MYCBP2: variants seen among roughly 807,000 people sequenced by gnomAD.
The protein encoded by MYCBP2 is E3 ubiquitin-protein ligase MYCBP2.
A neutral mutation model predicts 525.3 loss-of-function variants in MYCBP2; 120 were observed. The observed-to-expected ratio is 0.23, with a 90% CI of 0.20 to 0.27. The LOEUF (loss-of-function observed/expected upper bound fraction) is 0.27. Among genes scored for constraint, MYCBP2 ranks in the 10% least tolerant of loss-of-function variants. The pLI, the probability that MYCBP2 is intolerant of heterozygous loss-of-function variation, is 1.00. For missense variants in MYCBP2, 4,149 were observed against 5,657.1 expected, an observed-to-expected ratio of 0.73 and a Z score of 8.55; for synonymous variants, 1,894 against 1,955.8, an observed-to-expected ratio of 0.97 and a Z score of 0.83.
intron 50 of MYCBP2, 102 bp from the exon 51 acceptor site, chr13:77,140,265 CT>C: frequency 1.5e-6 from 1 of 652,098 alleles, no homozygotes; most frequent in East Asian, 2.8e-5. Flanking sequence ...TATCGTAATT[CT>C]TAATAAGGTT....
chr13:77,306,881 G>A (rs541219120), intron 1 of MYCBP2, among the ~76,000 whole-genome samples: 41 of 152,048 alleles, frequency 2.7e-4, no homozygotes, highest in African/African-American at 9.4e-4. Context: ...TGGGATTTTC[G>A]GAAAGATTGC....
In MYCBP2 at chr13:77,287,192, C is replaced by CTT. The variant is rs71102733; in HGVS notation, c.594+967_594+968dup. 1.8e-3 allele frequency among the ~76,000 whole-genome samples: 226 copies of CTT among 125,086 alleles called. 5 individuals are homozygous for CTT. The South Asian group carries it at 0.044, about 24-fold the overall frequency. 82.1% of individuals were successfully genotyped at this position (125,086 alleles called of 152,430 possible). The stretch of plus-strand genomic sequence containing the variant: ...GTGAGCCATTACGCCCAGCCAGTTT[C>CTT]TTTTTTTTTTTTTGAGACAGTCTCA... On this transcript the variant is annotated intron_variant, in intron 3 of 82. Transcript: ENST00000544440.
At chr13:77,323,843 T>C (rs1343423812) in intron 1 of MYCBP2, among the ~76,000 whole-genome samples, 1 of 152,182 alleles carries the variant, frequency 6.6e-6, no homozygotes, top group Non-Finnish European at 1.5e-5. Context: ...AGTACTCACC[T>C]CCACCCCTTC....
chr13:77,176,284 TA>T (rs1158268493), intron 36 of MYCBP2, among the ~76,000 whole-genome samples: 1 of 152,134 alleles, frequency 6.6e-6, no homozygotes, highest in Non-Finnish European at 1.5e-5. Flanking sequence ...AACTTCCTAC[TA>T]CTCCTGACTT....
intron 13 of MYCBP2, 21 bp from the exon 14 acceptor site, chr13:77,257,850 T>C: frequency 6.3e-7 from 1 of 1,587,986 alleles, no homozygotes; most frequent in Non-Finnish European, 8.5e-7. Context: ...GAAACAAATT[T>C]AGTAAAAACA....
intron 55 of MYCBP2, among the ~76,000 whole-genome samples, chr13:77,112,373 T>A (rs2328999): frequency 6.8e-6 from 1 of 146,494 alleles, no homozygotes; most frequent in Non-Finnish European, 1.5e-5. Context: ...ATTTATATAA[T>A]ATATAATATA....
chr13:77,119,184 T>C (rs1199525883), intron 55 of MYCBP2, among the ~76,000 whole-genome samples: 1 of 152,196 alleles, frequency 6.6e-6, no homozygotes, highest in East Asian at 1.9e-4. Flanking sequence ...ACATTTTTCC[T>C]TGTACCAAAA....
At chr13:77,210,181 A>G (rs952383481) in intron 23 of MYCBP2, among the ~76,000 whole-genome samples, 7 of 151,770 alleles carry the variant, frequency 4.6e-5, no homozygotes, top group Non-Finnish European at 8.8e-5. Context: ...TTGTATATAA[A>G]GCACCACAAT....
intron 49 of MYCBP2, among the ~76,000 whole-genome samples, chr13:77,141,788 AGTATACAT>A (rs2054678891): frequency 6.7e-6 from 1 of 149,720 alleles, no homozygotes; most frequent in African/African-American, 2.4e-5. Context: ...AAAAAAAAAA[AGTATACAT>A]AGAGAAAATT....
At chr13:77,246,058 G>T (rs1410889689) in intron 15 of MYCBP2, among the ~76,000 whole-genome samples, 4 of 151,948 alleles carry the variant, frequency 2.6e-5, no homozygotes, top group African/African-American at 9.7e-5. Context: ...TTGGGGTCAG[G>T]GAAAGTAACT....
At chr13:77,258,487 AC>A (rs1266598628) in intron 13 of MYCBP2, among the ~76,000 whole-genome samples, 1 of 152,224 alleles carries the variant, frequency 6.6e-6, no homozygotes, top group Non-Finnish European at 1.5e-5. Context: ...TTTCCAATAT[AC>A]ATTAAAATAA....
chr13:77,273,462 T>C lies in MYCBP2; in HGVS notation c.945+10A>G, dbSNP rs142294005. 2.4e-4 allele frequency: 381 copies of C among 1,560,778 alleles called. 5 individuals are homozygous for C. The East Asian group carries it at 7.8e-3, about 32-fold the overall frequency. ...TTATAAACTTCTAAGCAGATATAAA[T>C]ATGAAATACCTGAATAGTTTGGCAA... On this transcript the variant is annotated intron_variant, in intron 5 of 82. Transcript: ENST00000544440.
chr13:77,320,246 T>C (rs1331337588), intron 1 of MYCBP2, among the ~76,000 whole-genome samples: 5 of 152,148 alleles, frequency 3.3e-5, no homozygotes, highest in African/African-American at 1.2e-4. Context: ...TGCAATCAGT[T>C]TTAGCTGCCA....
In MYCBP2 at chr13:77,144,488, A is replaced by G. The variant is rs2055200183; in HGVS notation, c.7260T>C (p.Ile2420=). 2 of 1,613,738 alleles carry G rather than the reference A, an allele frequency of 1.2e-6. No homozygotes were observed. The highest frequency in any genetic ancestry group is 1.7e-5 in the Admixed American group (1 of 60,000). ...TYCANWTPGA[I]GLYTLHVTID... ...TGGTAACATGAAGAGTGTAGAGTCC[A>G]ATAGCCCCTGGAGTCCAATTTGCAC... Residue 2420 remains isoleucine, a synonymous_variant, in exon 49 of 83, where the codon ATT becomes ATC. Transcript: ENST00000544440.
chr13:77,130,364 G>A (rs1238200376), intron 52 of MYCBP2, among the ~76,000 whole-genome samples: 1 of 151,236 alleles, frequency 6.6e-6, no homozygotes, highest in Non-Finnish European at 1.5e-5. Context: ...TTTAGATAAT[G>A]AGACTTTATT....
intron 60 of MYCBP2, 53 bp from the exon 61 acceptor site, chr13:77,089,084 A>C: frequency 7.8e-7 from 1 of 1,275,142 alleles, no homozygotes; most frequent in South Asian, 1.4e-5. Flanking sequence ...ATATATATTT[A>C]AGATAATAAT....
chr13:77,191,400 A>G (rs1429493737), intron 28 of MYCBP2, among the ~76,000 whole-genome samples: 11 of 152,156 alleles, frequency 7.2e-5, no homozygotes, highest in Non-Finnish European at 1.6e-4. Flanking sequence ...CTTCCTCTAT[A>G]TAATTTCTAA....
intron 14 of MYCBP2, among the ~76,000 whole-genome samples, chr13:77,253,501 CTG>C (rs2071583215): frequency 6.6e-6 from 1 of 151,820 alleles, no homozygotes; most frequent in Admixed American, 6.6e-5. Flanking sequence ...TAAAAAGAAA[CTG>C]GACACAAAAG....
intron 15 of MYCBP2, among the ~76,000 whole-genome samples, chr13:77,250,941 G>T (rs2071101495): frequency 6.6e-6 from 1 of 151,974 alleles, no homozygotes; most frequent in South Asian, 2.1e-4. Flanking sequence ...ATGAAAGAAA[G>T]GCAACCTTAG....
Sources: gnomAD v4.1 joint callset for allele counts (sites outside exome capture counted in the v4.1 genomes callset) on GRCh38, gnomAD v4.1.1 for gene constraint, MANE v1.5 for transcripts, NCBI Gene and HGNC (gene_info 2026-07-23, HGNC 2026-07-21) for gene names.